Variants in SAMD5 observed in about 807,000 individuals in gnomAD.
SAMD5 encodes sterile alpha motif domain-containing protein 5.
SAMD5 carries 13 observed loss-of-function variants against 11.3 expected under a neutral mutation model. The observed-to-expected ratio is 1.15, with a 90% CI of 0.75 to 1.83. The LOEUF is 1.83. Ranked by LOEUF, SAMD5 falls within the 40% of genes most tolerant of loss-of-function variation. The pLI is 0.00. For missense variants in SAMD5, 255 were observed against 239.1 expected, an observed-to-expected ratio of 1.07 and a Z score of -0.44; for synonymous variants, 129 against 111.3, an observed-to-expected ratio of 1.16 and a Z score of -1.00.
At chr6:147,861,433 TG>T in the SAMD5 span, among the ~76,000 whole-genome samples, 3 of 152,238 alleles carry the variant, frequency 2.0e-5, no homozygotes, top group East Asian at 5.8e-4. Flanking sequence ...CCCAAAGTGC[TG>T]GGATTACAGG....
intron 1 of SAMD5, among the ~76,000 whole-genome samples, chr6:147,525,599 A>T (rs1438005755): frequency 6.6e-6 from 1 of 152,032 alleles, no homozygotes; most frequent in African/African-American, 2.4e-5. Flanking sequence ...GGCAATGGAA[A>T]GGCCGAATTT....
the SAMD5 span, among the ~76,000 whole-genome samples, chr6:147,769,314 C>G: frequency 6.6e-6 from 1 of 152,240 alleles, no homozygotes; most frequent in African/African-American, 2.4e-5. Flanking sequence ...TATTTCATTT[C>G]AATACCATTA....
chr6:147,661,656 GTC>G (rs1320708062), intron 1 of SAMD5, among the ~76,000 whole-genome samples: 2 of 152,150 alleles, frequency 1.3e-5, no homozygotes, highest in Non-Finnish European at 2.9e-5. Context: ...TTGAGATGGA[GTC>G]TCTCACTGTT....
intron 1 of SAMD5, among the ~76,000 whole-genome samples, chr6:147,624,085 C>T (rs1487817911): frequency 5.9e-5 from 9 of 152,102 alleles, no homozygotes; most frequent in African/African-American, 2.2e-4. Flanking sequence ...GGCCAGACTG[C>T]TCTCAAGCTC....
the SAMD5 span, among the ~76,000 whole-genome samples, chr6:147,848,220 G>C: frequency 9.2e-5 from 14 of 152,108 alleles, no homozygotes; most frequent in Non-Finnish European, 2.1e-4. Context: ...TCGACAAATC[G>C]CTGTACATTT....
the SAMD5 span, among the ~76,000 whole-genome samples, chr6:147,748,184 G>T: frequency 9.2e-5 from 14 of 152,336 alleles, no homozygotes; most frequent in African/African-American, 3.1e-4. Flanking sequence ...AAGAGCCTTT[G>T]AAATGGAGTC....
the SAMD5 span, among the ~76,000 whole-genome samples, chr6:147,787,080 A>G: frequency 6.6e-6 from 1 of 152,246 alleles, no homozygotes; most frequent in Non-Finnish European, 1.5e-5. Context: ...AATGTTAAAC[A>G]AATAACCTTC....
intron 1 of SAMD5, among the ~76,000 whole-genome samples, chr6:147,577,505 C>T (rs147000385): frequency 6.6e-6 from 1 of 151,976 alleles, no homozygotes; most frequent in African/African-American, 2.4e-5. Context: ...CTTTTTTTCT[C>T]TCTTTCCTTT....
chr6:147,569,960 A>C lies in SAMD5; in HGVS notation c.*5504A>C. On this transcript the variant is annotated 3_prime_UTR_variant, in exon 2 of 2. Coordinates refer to ENST00000367474, the MANE Select transcript of SAMD5 (RefSeq NM_001030060.3). ...ATTATGAACCATGTAATGCATGCCCATGCACACTGTGATTTGCAAACATAT... is the reference window on the plus strand; with the variant it reads ...ATTATGAACCATGTAATGCATGCCCCTGCACACTGTGATTTGCAAACATAT... 1 of 985,292 alleles carries C rather than the reference A, an allele frequency of 1.0e-6. No homozygotes were observed. The highest frequency in any genetic ancestry group is 1.2e-6 in the Non-Finnish European group (1 of 829,780). 61.0% of individuals were successfully genotyped at this position (985,292 alleles called of 1,614,324 possible).
chr6:147,819,536 G>A, the SAMD5 span, among the ~76,000 whole-genome samples: 271 of 152,282 alleles, frequency 1.8e-3, 1 homozygote, highest in African/African-American at 6.1e-3. Context: ...AAGAAATATA[G>A]ACAAAATTGT....
At chr6:147,653,411 AGTGT>A (rs1221448593) in intron 1 of SAMD5, among the ~76,000 whole-genome samples, 1 of 152,228 alleles carries the variant, frequency 6.6e-6, no homozygotes, top group African/African-American at 2.4e-5. Flanking sequence ...ACAGCTATAA[AGTGT>A]GTACATGTGA....
chr6:147,696,045 G>A (rs548555483), intron 1 of SAMD5, among the ~76,000 whole-genome samples: 4 of 152,070 alleles, frequency 2.6e-5, no homozygotes, highest in South Asian at 2.1e-4. Context: ...ATGACTAGAC[G>A]GTTCATGTCT....
intron 1 of SAMD5, among the ~76,000 whole-genome samples, chr6:147,686,595 G>A (rs757653337): frequency 2.0e-4 from 31 of 152,126 alleles, no homozygotes; most frequent in Non-Finnish European, 4.0e-4. Flanking sequence ...ATAAGCATGA[G>A]TCTGTTTCTG....
chr6:147,790,212 A>G, the SAMD5 span, among the ~76,000 whole-genome samples: 1 of 152,374 alleles, frequency 6.6e-6, no homozygotes, highest in African/African-American at 2.4e-5. Flanking sequence ...TGGTATATCT[A>G]TACAATGGAA....
At chr6:147,924,472 C>A in the SAMD5 span, among the ~76,000 whole-genome samples, 610 of 152,068 alleles carry the variant, frequency 4.0e-3, 3 homozygotes, top group African/African-American at 0.013. Context: ...ATGTGTGTGC[C>A]ATGTGCTTTT....
At chr6:147,545,033 A>G (rs1788663888) in intron 1 of SAMD5, among the ~76,000 whole-genome samples, 2 of 152,184 alleles carry the variant, frequency 1.3e-5, no homozygotes, top group South Asian at 4.1e-4. Flanking sequence ...GGGCCAGTGC[A>G]GTAATAATAA....
chr6:147,807,065 A>C, the SAMD5 span, among the ~76,000 whole-genome samples: 1 of 152,048 alleles, frequency 6.6e-6, no homozygotes, highest in African/African-American at 2.4e-5. Context: ...AACTGTAAGA[A>C]ATAAATTTCT....
At chr6:147,930,525 G>A in the SAMD5 span, among the ~76,000 whole-genome samples, 4 of 152,156 alleles carry the variant, frequency 2.6e-5, no homozygotes, top group African/African-American at 9.7e-5. Context: ...TGGCTCAGAG[G>A]ATGAAAAAGT....
chr6:147,592,691 A>G (rs844576), intron 1 of SAMD5, among the ~76,000 whole-genome samples: 1 of 151,664 alleles, frequency 6.6e-6, no homozygotes, highest in Non-Finnish European at 1.5e-5. Flanking sequence ...GATGCTTAGC[A>G]TTTCTATGCC....
Sources: gnomAD v4.1 joint callset for allele counts (sites outside exome capture counted in the v4.1 genomes callset) on GRCh38, gnomAD v4.1.1 for gene constraint, MANE v1.5 for transcripts, NCBI Gene and HGNC (gene_info 2026-07-23, HGNC 2026-07-21) for gene names.